PDSS2: variants seen among roughly 807,000 people sequenced by gnomAD.
The protein encoded by PDSS2 is all trans-polyprenyl-diphosphate synthase PDSS2.
PDSS2 carries 31 observed loss-of-function variants against 44.5 expected under a neutral mutation model. The ratio of observed to expected loss-of-function variants is 0.70; its 90% confidence interval spans 0.52 to 0.94. The LOEUF is 0.94. PDSS2 is among the 40% of genes least tolerant of loss of function. The pLI is 0.00. For missense variants in PDSS2, 452 were observed against 482.2 expected, an observed-to-expected ratio of 0.94 and a Z score of 0.59; for synonymous variants, 157 against 180.3, an observed-to-expected ratio of 0.87 and a Z score of 1.03.
chr6:107,371,867 A>G (rs1779137163), intron 1 of PDSS2, among the ~76,000 whole-genome samples: 1 of 152,240 alleles, frequency 6.6e-6, no homozygotes, highest in African/African-American at 2.4e-5. Context: ...GGCATGTGCT[A>G]GGAATATGTA....
intron 3 of PDSS2, among the ~76,000 whole-genome samples, chr6:107,254,796 A>C (rs1434749322): frequency 6.6e-6 from 1 of 152,188 alleles, no homozygotes; most frequent in East Asian, 1.9e-4. Context: ...GTTGGCTAGC[A>C]CACTGCCTTC....
chr6:107,197,480 CAAAAAAAAAAAAA>C (rs1211356401), intron 6 of PDSS2, among the ~76,000 whole-genome samples: 1 of 82,428 alleles, frequency 1.2e-5, no homozygotes, highest in African/African-American at 4.4e-5. Flanking sequence ...ACCCCCATCT[CAAAAAAAAAAAAA>C]AAAAAAAAAG....
intron 7 of PDSS2, among the ~76,000 whole-genome samples, chr6:107,177,704 G>A (rs78387756): frequency 0.016 from 2,394 of 152,182 alleles, 62 homozygotes; most frequent in African/African-American, 0.054. Context: ...GCAAAACTGG[G>A]ACTGTAAAGC....
intron 3 of PDSS2, among the ~76,000 whole-genome samples, chr6:107,256,236 C>A (rs1775018202): frequency 6.6e-6 from 1 of 152,092 alleles, no homozygotes; most frequent in African/African-American, 2.4e-5. Flanking sequence ...GGTGATCCAC[C>A]CACCTCGGCC....
rs140933061 is a variant in PDSS2 at position 107,459,087 on chromosome 6, T to G, written c.199A>C (p.Met67Leu). Residue 67 changes from methionine to leucine, a missense_variant, in exon 1 of 8, where the codon ATG becomes CTG. Met to Leu is a conservative substitution (Grantham distance 15). Coordinates refer to ENST00000369037, the MANE Select transcript of PDSS2 (RefSeq NM_020381.4). The surrounding 1 kb of genome is among the most constrained non-coding windows in gnomAD (Gnocchi z 4.3). ...TCGCTCAGCAGGCAGCGAAGGCTCA[T>G]GAAGGACGTGGGGTACCCCACGATC... Reference protein sequence around the residue: ...EKIVGYPTSFMSLRCLLSDEL... With the variant: ...EKIVGYPTSFLSLRCLLSDEL... 35 of 1,614,028 alleles carry G rather than the reference T, an allele frequency of 2.2e-5. No individual in the cohort carries two copies. Among genetic ancestry groups the G allele is most frequent in the Non-Finnish European group, 3.0e-5 (35 of 1,180,026 alleles).
intron 1 of PDSS2, among the ~76,000 whole-genome samples, chr6:107,388,073 C>T (rs904486286): frequency 6.6e-6 from 1 of 151,950 alleles, no homozygotes. Context: ...TGGGGAAAAC[C>T]CTACCAATCA....
intron 1 of PDSS2, among the ~76,000 whole-genome samples, chr6:107,371,729 C>G (rs542108678): frequency 6.6e-6 from 1 of 152,194 alleles, no homozygotes; most frequent in South Asian, 2.1e-4. Context: ...AAAGCATTGT[C>G]GAGTCTAGGA....
At chr6:107,440,002 A>G (rs556962446) in intron 1 of PDSS2, among the ~76,000 whole-genome samples, 1 of 152,184 alleles carries the variant, frequency 6.6e-6, no homozygotes, top group Non-Finnish European at 1.5e-5. Context: ...TCAATTCAGT[A>G]CTTGGCTAAA....
chr6:107,242,969 A>G (rs1774493955), intron 4 of PDSS2, among the ~76,000 whole-genome samples: 1 of 152,216 alleles, frequency 6.6e-6, no homozygotes, highest in Non-Finnish European at 1.5e-5. Flanking sequence ...TCTCTTTAAT[A>G]AAATGTAGCT....
rs556623149 is a variant in PDSS2 at position 107,234,499 on chromosome 6, C to T, written c.702+11049G>A. Among the ~76,000 whole-genome samples the T allele has an allele frequency of 2.7e-4, 41 of 151,680 alleles. 1 individual carries two copies. Among genetic ancestry groups the T allele is most frequent in the African/African-American group, 7.7e-4 (32 of 41,318 alleles). On this transcript the variant is annotated intron_variant, in intron 4 of 7. Transcript: ENST00000369037. ...GGATTACAGGTGTAAGCCACCACGC[C>T]TGGCTCTATTTTTATCTTACTAGAT...
chr6:107,257,224 A>G (rs866969234), intron 3 of PDSS2, among the ~76,000 whole-genome samples: 1 of 151,234 alleles, frequency 6.6e-6, no homozygotes, highest in Non-Finnish European at 1.5e-5. Flanking sequence ...GATTGGCCAC[A>G]TTGTACCCTT....
At chr6:107,160,817 T>G (rs1771099269) in intron 7 of PDSS2, among the ~76,000 whole-genome samples, 1 of 152,020 alleles carries the variant, frequency 6.6e-6, no homozygotes, top group South Asian at 2.1e-4. Flanking sequence ...CTTGGCTCAC[T>G]GCAACCTGTG....
At chr6:107,396,630 T>C (rs1779948035) in intron 1 of PDSS2, among the ~76,000 whole-genome samples, 1 of 152,056 alleles carries the variant, frequency 6.6e-6, no homozygotes, top group African/African-American at 2.4e-5. Flanking sequence ...ACGGTTGATG[T>C]TATTTGCCAC....
At chr6:107,193,693 TGTTACTTA>T (rs1182696980) in intron 7 of PDSS2, 121 bp downstream of exon 7, 8 of 729,292 alleles carry the variant, frequency 1.1e-5, no homozygotes, top group Non-Finnish European at 1.8e-5. Flanking sequence ...GCTATTGGCC[TGTTACTTA>T]ACAGGAAATG....
chr6:107,416,655 A>T (rs1583057753), intron 1 of PDSS2, among the ~76,000 whole-genome samples: 1 of 152,208 alleles, frequency 6.6e-6, no homozygotes, highest in Non-Finnish European at 1.5e-5. Context: ...CTTTAAAAAA[A>T]CTGTTTCCAA....
intron 2 of PDSS2, among the ~76,000 whole-genome samples, chr6:107,333,199 T>C (rs1777765631): frequency 6.6e-6 from 1 of 152,212 alleles, no homozygotes; most frequent in African/African-American, 2.4e-5. Flanking sequence ...ATCACCCATA[T>C]TGTTAGGCTG....
At position 107,394,250 on chromosome 6, in the gene PDSS2, C is replaced by T. The variant is rs193087193; in HGVS notation, c.297-59918G>A. ...TTTTACTTACTGTATTAGTCCATTC[C>T]CTGCATTGCTATGAAGAATACCTGG... On this transcript the variant is annotated intron_variant, in intron 1 of 7. Coordinates refer to ENST00000369037, the MANE Select transcript of PDSS2 (RefSeq NM_020381.4). Among the ~76,000 whole-genome samples the T allele has an allele frequency of 1.6e-3, 237 of 152,134 alleles. 1 individual carries two copies. The highest frequency in any genetic ancestry group is 2.6e-3 in the Admixed American group (39 of 15,260).
At chr6:107,251,710 T>C (rs1774824302) in intron 3 of PDSS2, among the ~76,000 whole-genome samples, 1 of 152,182 alleles carries the variant, frequency 6.6e-6, no homozygotes, top group African/African-American at 2.4e-5. Flanking sequence ...GAAGGGATAT[T>C]GTCAAAATTT....
chr6:107,416,374 T>G lies in PDSS2; in HGVS notation c.296+42616A>C, dbSNP rs574329937. On this transcript the variant is annotated intron_variant, in intron 1 of 7. Coordinates refer to ENST00000369037, the MANE Select transcript of PDSS2 (RefSeq NM_020381.4). ...CTAGAAGATGAACAGTTCATGTTGT[T>G]TATGATTACAGGCTGATTATTCCTC... Among the ~76,000 whole-genome samples the G allele has an allele frequency of 5.5e-4, 84 of 152,310 alleles. 1 individual carries two copies. The highest frequency in any genetic ancestry group is 1.0e-3 in the Non-Finnish European group (70 of 68,018).
Sources: gnomAD v4.1 joint callset for allele counts (sites outside exome capture counted in the v4.1 genomes callset) on GRCh38, gnomAD v4.1.1 for gene constraint, Gnocchi (gnomAD v3.1) non-coding constraint, MANE v1.5 for transcripts, NCBI Gene and HGNC (gene_info 2026-07-23, HGNC 2026-07-21) for gene names.